Variants in TWSG1 observed in about 807,000 individuals in gnomAD.
The protein encoded by TWSG1 is twisted gastrulation protein homolog 1.
Under a neutral mutation model 23.0 loss-of-function variants are expected in TWSG1, and 15 were observed. The ratio of observed to expected loss-of-function variants is 0.65; its 90% CI spans 0.44 to 1.00. The LOEUF (loss-of-function observed/expected upper bound fraction) is 1.00. TWSG1 is among the 50% of genes least tolerant of loss of function. The pLI is 0.00. For synonymous variants in TWSG1, 86 were observed against 92.8 expected, an observed-to-expected ratio of 0.93 and a Z score of 0.42; for missense variants, 242 against 278.7, an observed-to-expected ratio of 0.87 and a Z score of 0.94.
chr18:9,393,067 A>C, intron 3 of TWSG1, among the ~76,000 whole-genome samples: 1 of 152,228 alleles, frequency 6.6e-6, no homozygotes, highest in Non-Finnish European at 1.5e-5. Context: ...AAATGTTTGA[A>C]ATATTGCAAG....
rs189638978 is a variant in TWSG1 at position 9,396,693 on chromosome 18, C to T, written c.490+147C>T. On this transcript the variant is annotated intron_variant, in intron 4 of 4. Transcript: ENST00000262120. ...CACATAAATTCTAGACTCAATAACCCTGATCCCATCATATCTAGAGGCACA... is the reference window on the plus strand; with the variant it reads ...CACATAAATTCTAGACTCAATAACCTTGATCCCATCATATCTAGAGGCACA... 3.9e-4 allele frequency: 384 copies of T among 980,262 alleles called. No homozygotes were observed. The African/African-American group carries it at 5.7e-3, about 15-fold the overall frequency. 60.7% of individuals were successfully genotyped at this position (980,262 alleles called of 1,614,324 possible). A position where few individuals can be genotyped will look rare whatever the true frequency, so the allele number is the denominator to read the frequency against.
rs143144866 is a variant in TWSG1 at position 9,337,749 on chromosome 18, G to A, written c.123+397G>A. 5.4e-3 allele frequency among the ~76,000 whole-genome samples: 820 copies of A among 152,262 alleles called. 8 individuals carry two copies. The highest frequency in any genetic ancestry group is 0.019 in the African/African-American group (787 of 41,552). On this transcript the variant is annotated intron_variant, in intron 2 of 4. Transcript: ENST00000262120. ...AAGTATGATGTATTAGTTGTCCATTGCTATGTAACAAATTACCCCAAAACA... is the reference window on the plus strand; with the variant it reads ...AAGTATGATGTATTAGTTGTCCATTACTATGTAACAAATTACCCCAAAACA...
intron 1 of TWSG1, among the ~76,000 whole-genome samples, chr18:9,336,158 G>A (rs1390914095): frequency 2.6e-5 from 4 of 152,150 alleles, no homozygotes; most frequent in African/African-American, 9.7e-5. Context: ...TTGGGAGGCC[G>A]AGGCGGGTGG....
rs190974977 is a variant in TWSG1, at chr18:9,350,197, A to G, written c.124-9775A>G. 3.4e-3 allele frequency among the ~76,000 whole-genome samples: 518 copies of G among 152,256 alleles called. 1 individual carries two copies. Among genetic ancestry groups the G allele is most frequent in the South Asian group, 0.011 (52 of 4,822 alleles). ...TTTGTCCTGTTTTGCTTCAGTTAAC[A>G]CCCCATGAAAATCTCTGAAATTAAT... is the stretch of plus-strand genomic sequence containing the variant. On this transcript the variant is annotated intron_variant, in intron 2 of 4. Coordinates refer to ENST00000262120, the MANE Select transcript of TWSG1 (RefSeq NM_020648.6).
intron 3 of TWSG1, among the ~76,000 whole-genome samples, chr18:9,366,955 T>G (rs1164235314): frequency 6.6e-6 from 1 of 152,128 alleles, no homozygotes; most frequent in Non-Finnish European, 1.5e-5. Flanking sequence ...GCAATTTTCT[T>G]TTTTATTTTT....
intron 3 of TWSG1, among the ~76,000 whole-genome samples, chr18:9,364,641 A>C (rs978645621): frequency 2.6e-5 from 4 of 151,966 alleles, no homozygotes; most frequent in African/African-American, 9.7e-5. Flanking sequence ...TAAAAATACA[A>C]AAATTAGCCA....
chr18:9,372,896 T>G (rs556526868), intron 3 of TWSG1, among the ~76,000 whole-genome samples: 7 of 152,274 alleles, frequency 4.6e-5, no homozygotes, highest in Non-Finnish European at 1.5e-5. Context: ...ATGATAGATA[T>G]TAATCCAGTT....
intron 2 of TWSG1, 53 bp downstream of exon 2, chr18:9,337,405 A>T (rs1436236381): frequency 1.3e-6 from 2 of 1,584,932 alleles, no homozygotes; most frequent in Non-Finnish European, 1.7e-6. Flanking sequence ...GAGCAGAAAC[A>T]TTATGTTTAT....
chr18:9,345,893 A>G (rs1382224209), intron 2 of TWSG1, among the ~76,000 whole-genome samples: 1 of 152,210 alleles, frequency 6.6e-6, no homozygotes, highest in Non-Finnish European at 1.5e-5. Context: ...CCATATACCC[A>G]TTCCCCCCAC....
chr18:9,391,780 AC>A (rs1719761982), intron 3 of TWSG1, among the ~76,000 whole-genome samples: 1 of 152,138 alleles, frequency 6.6e-6, no homozygotes, highest in African/African-American at 2.4e-5. Context: ...AGTTGAAATG[AC>A]TCTCTCAACC....
intron 3 of TWSG1, among the ~76,000 whole-genome samples, chr18:9,374,572 G>A (rs2040620305): frequency 6.6e-6 from 1 of 152,100 alleles, no homozygotes; most frequent in Non-Finnish European, 1.5e-5. Context: ...CAGACCCAAT[G>A]GGTTTACTGG....
intron 3 of TWSG1, among the ~76,000 whole-genome samples, chr18:9,377,947 A>G (rs1303425065): frequency 9.3e-5 from 14 of 151,084 alleles, no homozygotes; most frequent in African/African-American, 3.4e-4. Flanking sequence ...TTGAACTCTT[A>G]AGCTCAAGTG....
At chr18:9,345,751 A>T (rs918781635) in intron 2 of TWSG1, among the ~76,000 whole-genome samples, 2 of 152,168 alleles carry the variant, frequency 1.3e-5, no homozygotes, top group Admixed American at 1.3e-4. Flanking sequence ...GCATTTTCAT[A>T]TGAATTTTAG....
chr18:9,383,534 G>A (rs901731044), intron 3 of TWSG1, among the ~76,000 whole-genome samples: 1 of 152,130 alleles, frequency 6.6e-6, no homozygotes. Flanking sequence ...TTTATATGGA[G>A]GTAGATTTAA....
chr18:9,382,210 A>G (rs543110288), intron 3 of TWSG1, among the ~76,000 whole-genome samples: 1 of 152,172 alleles, frequency 6.6e-6, no homozygotes, highest in Non-Finnish European at 1.5e-5. Flanking sequence ...AGAAAAAACA[A>G]GAGGAGGCTG....
intron 2 of TWSG1, among the ~76,000 whole-genome samples, chr18:9,356,971 T>TAAAA (rs34315660): frequency 4.1e-5 from 5 of 122,338 alleles, no homozygotes; most frequent in Non-Finnish European, 3.4e-5. Flanking sequence ...TTTATAAATC[T>TAAAA]AAAAAAAAAA....
chr18:9,339,399 G>A (rs886865868), intron 2 of TWSG1, among the ~76,000 whole-genome samples: 3 of 152,056 alleles, frequency 2.0e-5, no homozygotes, highest in African/African-American at 7.3e-5. Flanking sequence ...TCCCATCTCA[G>A]CCTCTGGTGT....
chr18:9,383,479 A>G (rs892013003), intron 3 of TWSG1, among the ~76,000 whole-genome samples: 6 of 152,160 alleles, frequency 3.9e-5, no homozygotes, highest in African/African-American at 1.4e-4. Flanking sequence ...GGCATGAGCC[A>G]CTGCACCCGG....
intron 2 of TWSG1, among the ~76,000 whole-genome samples, chr18:9,343,953 G>A (rs1290102594): frequency 6.6e-6 from 1 of 152,132 alleles, no homozygotes; most frequent in African/African-American, 2.4e-5. Flanking sequence ...TGTGCACACA[G>A]GCAGTGGTGC....
Sources: gnomAD v4.1 joint callset for allele counts (sites outside exome capture counted in the v4.1 genomes callset) on GRCh38, gnomAD v4.1.1 for gene constraint, MANE v1.5 for transcripts, NCBI Gene and HGNC (gene_info 2026-07-23, HGNC 2026-07-21) for gene names.